Variants in MORN1 observed in about 807,000 individuals in gnomAD.
The protein encoded by MORN1 is MORN repeat-containing protein 1.
A neutral mutation model predicts 61.9 loss-of-function variants in MORN1; 67 were observed. The ratio of observed to expected loss-of-function variants is 1.08; its 90% confidence interval spans 0.89 to 1.33. The LOEUF is 1.33. Among genes scored for constraint, MORN1 ranks in the 40% most tolerant of loss-of-function variants. The pLI, the probability that MORN1 is intolerant of heterozygous loss-of-function variation, is 0.00. For synonymous variants in MORN1, 301 were observed against 292.0 expected (o/e 1.03, Z -0.31); for missense variants, 752 against 691.2 (o/e 1.09, Z -0.99).
At chr1:2,361,792 A>G (rs1230169591) in intron 8 of MORN1, among the ~76,000 whole-genome samples, 1 of 152,196 alleles carries the variant, frequency 6.6e-6, no homozygotes, top group Non-Finnish European at 1.5e-5. Flanking sequence ...GACTCCCCAC[A>G]GCTTTAATAG....
intron 8 of MORN1, among the ~76,000 whole-genome samples, chr1:2,360,826 G>A (rs994981978): frequency 1.3e-5 from 2 of 152,184 alleles, no homozygotes; most frequent in African/African-American, 4.8e-5. Flanking sequence ...CAGCCAGGCT[G>A]GAAAAACTCA....
At chr1:2,325,315 C>T in intron 12 of MORN1, among the ~76,000 whole-genome samples, 1 of 142,972 alleles carries the variant, frequency 7.0e-6, no homozygotes, top group Non-Finnish European at 1.5e-5. Flanking sequence ...TTTTTCTCTC[C>T]TTTCTTTCTC....
intron 10 of MORN1, among the ~76,000 whole-genome samples, chr1:2,339,391 C>T (rs1641347868): frequency 1.3e-5 from 2 of 152,336 alleles, no homozygotes; most frequent in African/African-American, 4.8e-5. Context: ...CCATGCACTC[C>T]CTGAGTCGGG....
chr1:2,355,360 G>C (rs1366727585), intron 10 of MORN1: 1 of 1,532,010 alleles, frequency 6.5e-7, no homozygotes, highest in African/African-American at 1.4e-5. Context: ...CCCCACCTGG[G>C]ATGCCTGCAT....
At chr1:2,388,856 A>C (rs1642571076) in intron 2 of MORN1, among the ~76,000 whole-genome samples, 1 of 151,552 alleles carries the variant, frequency 6.6e-6, no homozygotes, top group African/African-American at 2.4e-5. Flanking sequence ...TCATGCCTGT[A>C]ATCTCAGCAC....
At position 2,336,370 on chromosome 1, in the gene MORN1, C is replaced by G. The variant is rs747144746; in HGVS notation, c.1250+99G>C. The G allele has an allele frequency of 4.0e-6, 5 of 1,237,600 alleles. No homozygotes were observed. The African/African-American group carries it at 6.0e-5, about 15-fold the overall frequency. 76.7% of individuals were successfully genotyped at this position (1,237,600 alleles called of 1,614,324 possible). On this transcript the variant is annotated intron_variant, in intron 12 of 13. Transcript: ENST00000378531. ...GGCTCACTGTCTTCCCAGACCAGGCCCTTGGCTCCCCTGGGCCTTCCCCGT... is the reference window on the plus strand; with the variant it reads ...GGCTCACTGTCTTCCCAGACCAGGCGCTTGGCTCCCCTGGGCCTTCCCCGT...
chr1:2,323,600 T>G (rs1017067440), intron 13 of MORN1: 185 of 984,928 alleles, frequency 1.9e-4, no homozygotes, highest in Non-Finnish European at 2.2e-4. Flanking sequence ...CGGCTGAGGG[T>G]CTGCACCTGA....
chr1:2,355,901 G>T (rs1641753054), intron 10 of MORN1, among the ~76,000 whole-genome samples: 1 of 152,230 alleles, frequency 6.6e-6, no homozygotes, highest in South Asian at 2.1e-4. Context: ...CCCTGGGCAG[G>T]AAGATGTGAG....
chr1:2,355,173 C>T (rs1021813146), intron 10 of MORN1: 3 of 1,184,314 alleles, frequency 2.5e-6, no homozygotes, highest in Admixed American at 4.2e-5. Context: ...GAAGGCATGG[C>T]GCCCAGTAAG....
chr1:2,374,387 T>G, intron 7 of MORN1, 74 bp downstream of exon 7: 1 of 1,355,952 alleles, frequency 7.4e-7, no homozygotes, highest in Non-Finnish European at 1.0e-6. Flanking sequence ...GTGTTTCCCA[T>G]ATGGCTGCCC....
intron 8 of MORN1, among the ~76,000 whole-genome samples, chr1:2,364,175 T>C (rs1303079484): frequency 6.6e-6 from 1 of 152,106 alleles, no homozygotes; most frequent in African/African-American, 2.4e-5. Context: ...AGAAAGTAGA[T>C]GTAAGAGTAA....
intron 10 of MORN1, among the ~76,000 whole-genome samples, chr1:2,347,161 C>G (rs1238984059): frequency 6.6e-6 from 1 of 152,218 alleles, no homozygotes; most frequent in African/African-American, 2.4e-5. Flanking sequence ...ATGCCGCCCC[C>G]ACACAGCTTT....
chr1:2,348,274 G>A (rs1641558269), intron 10 of MORN1, among the ~76,000 whole-genome samples: 3 of 152,234 alleles, frequency 2.0e-5, no homozygotes, highest in Admixed American at 6.5e-5. Flanking sequence ...TCTTTGGCAG[G>A]AGAGGCATGG....
rs552151930 is a variant in MORN1, at chr1:2,370,070, T to G, written c.745+2411A>C. On this transcript the variant is annotated intron_variant, in intron 8 of 13. Transcript: ENST00000378531. The stretch of plus-strand genomic sequence containing the variant: ...AAAAGGAAAAACAAAACTGGAGGAC[T>G]CTCCAATTGGAAAACGTGCTAAAAG... 2.6e-5 allele frequency among the ~76,000 whole-genome samples: 4 copies of G among 152,282 alleles called. No individual in the cohort carries two copies. In the East Asian group the frequency reaches 5.8e-4, roughly 22 times the overall value.
chr1:2,342,518 G>A (rs1333261122), intron 10 of MORN1, among the ~76,000 whole-genome samples: 1 of 152,258 alleles, frequency 6.6e-6, no homozygotes, highest in Non-Finnish European at 1.5e-5. Flanking sequence ...GCCGAGAAGC[G>A]CGGCTCATTA....
chr1:2,328,775 C>T (rs1438605977), intron 12 of MORN1, among the ~76,000 whole-genome samples: 1 of 152,220 alleles, frequency 6.6e-6, no homozygotes, highest in Non-Finnish European at 1.5e-5. Context: ...GACGCCAGCC[C>T]CAGCTCCTCT....
intron 12 of MORN1, among the ~76,000 whole-genome samples, chr1:2,329,086 C>T (rs1465294109): frequency 1.3e-5 from 2 of 152,166 alleles, no homozygotes; most frequent in East Asian, 3.9e-4. Flanking sequence ...CAGCTTCAGG[C>T]CTTGAAAAGC....
chr1:2,342,983 C>A (rs937649251), intron 10 of MORN1, among the ~76,000 whole-genome samples: 1 of 151,698 alleles, frequency 6.6e-6, no homozygotes, highest in African/African-American at 2.4e-5. Context: ...AAGCAATCCT[C>A]CCGCCTCAGC....
At chr1:2,378,446 G>T (rs1474050846) in intron 6 of MORN1, 1 of 169,056 alleles carries the variant, frequency 5.9e-6, no homozygotes, top group Non-Finnish European at 1.3e-5. Context: ...TATAGGCCCC[G>T]TGGAGGCCCC....
Sources: gnomAD v4.1 joint callset for allele counts (sites outside exome capture counted in the v4.1 genomes callset) on GRCh38, gnomAD v4.1.1 for gene constraint, MANE v1.5 for transcripts, NCBI Gene and HGNC (gene_info 2026-07-23, HGNC 2026-07-21) for gene names.